TMEM232: variants seen among roughly 807,000 people sequenced by gnomAD.
The protein encoded by TMEM232 is transmembrane protein 232.
Under a neutral mutation model 78.8 loss-of-function variants are expected in TMEM232, and 80 were observed. That is an observed-to-expected ratio of 1.01 (90% confidence interval 0.85 to 1.22). TMEM232 has a LOEUF of 1.22. Ranked by LOEUF, TMEM232 falls within the 50% of genes most tolerant of loss-of-function variation. The pLI is 0.00. For missense variants in TMEM232, 881 were observed against 742.2 expected (o/e 1.19, Z -2.17); for synonymous variants, 297 against 254.3 (o/e 1.17, Z -1.60).
chr5:110,533,676 G>C (rs890045769), intron 11 of TMEM232, among the ~76,000 whole-genome samples: 2 of 152,010 alleles, frequency 1.3e-5, no homozygotes, highest in Non-Finnish European at 2.9e-5. Context: ...TTCCTGGCCC[G>C]GACTTCAATC....
At chr5:110,428,485 C>A (rs1757484224) in intron 12 of TMEM232, among the ~76,000 whole-genome samples, 1 of 151,692 alleles carries the variant, frequency 6.6e-6, no homozygotes. Flanking sequence ...AGGAAGATAG[C>A]CACCATCTGC....
At chr5:110,427,716 G>T (rs1161043090) in intron 12 of TMEM232, among the ~76,000 whole-genome samples, 1 of 151,772 alleles carries the variant, frequency 6.6e-6, no homozygotes, top group Non-Finnish European at 1.5e-5. Context: ...AGTGGCTGTT[G>T]GTTCTTTGGT....
At chr5:110,599,346 A>G (rs990348860) in intron 10 of TMEM232, among the ~76,000 whole-genome samples, 4 of 152,182 alleles carry the variant, frequency 2.6e-5, no homozygotes, top group Non-Finnish European at 4.4e-5. Flanking sequence ...TTAATAGGCT[A>G]AATGTCCCAA....
At chr5:110,498,348 G>C (rs1023944036) in intron 12 of TMEM232, among the ~76,000 whole-genome samples, 1 of 152,052 alleles carries the variant, frequency 6.6e-6, no homozygotes, top group Non-Finnish European at 1.5e-5. Flanking sequence ...ACTGAACAGA[G>C]GCTGTGCATA....
intron 8 of TMEM232, among the ~76,000 whole-genome samples, chr5:110,611,090 A>C (rs541720951): frequency 6.6e-6 from 1 of 152,274 alleles, no homozygotes; most frequent in Admixed American, 6.5e-5. Context: ...TTAAATGCAG[A>C]TATATAAATA....
At chr5:110,401,776 T>C (rs1446433639) in intron 2 of TMEM232, among the ~76,000 whole-genome samples, 1 of 152,098 alleles carries the variant, frequency 6.6e-6, no homozygotes, top group African/African-American at 2.4e-5. Flanking sequence ...AAATAGATTA[T>C]TATACATTTA....
chr5:110,544,696 TA>T (rs767984387), intron 11 of TMEM232, among the ~76,000 whole-genome samples: 17 of 152,104 alleles, frequency 1.1e-4, no homozygotes, highest in Admixed American at 2.6e-4. Context: ...TTTTTGAAAA[TA>T]TTTTTTTTCT....
At chr5:110,399,114 T>A (rs1261963384) in intron 2 of TMEM232, among the ~76,000 whole-genome samples, 2 of 151,816 alleles carry the variant, frequency 1.3e-5, no homozygotes, top group African/African-American at 2.4e-5. Context: ...GAACCCTGAA[T>A]GACACACCAT....
At chr5:110,644,297 C>T (rs1165178498) in intron 2 of TMEM232, among the ~76,000 whole-genome samples, 1 of 151,864 alleles carries the variant, frequency 6.6e-6, no homozygotes, top group Non-Finnish European at 1.5e-5. Context: ...TCCAAAATAA[C>T]TTTAATCTTC....
chr5:110,505,125 T>C (rs1432675482), intron 12 of TMEM232, among the ~76,000 whole-genome samples: 1 of 152,216 alleles, frequency 6.6e-6, no homozygotes, highest in Non-Finnish European at 1.5e-5. Context: ...TGAGTTCTTA[T>C]ACTAACTCTG....
At chr5:110,442,216 T>C (rs1211161333) in intron 12 of TMEM232, among the ~76,000 whole-genome samples, 1 of 152,082 alleles carries the variant, frequency 6.6e-6, no homozygotes, top group Non-Finnish European at 1.5e-5. Context: ...TACCCCTATC[T>C]CTTTTTCTAC....
chr5:110,467,851 T>C (rs999954356), intron 12 of TMEM232, among the ~76,000 whole-genome samples: 1 of 152,120 alleles, frequency 6.6e-6, no homozygotes, highest in Non-Finnish European at 1.5e-5. Flanking sequence ...CCCAAGGTTC[T>C]TCTATCCAAG....
At chr5:110,592,027 T>A (rs1470316511) in intron 10 of TMEM232, among the ~76,000 whole-genome samples, 1 of 152,142 alleles carries the variant, frequency 6.6e-6, no homozygotes, top group African/African-American at 2.4e-5. Context: ...GAAAAAATCA[T>A]TTTCTCTATG....
At chr5:110,427,422 A>T (rs1757360497) in intron 12 of TMEM232, among the ~76,000 whole-genome samples, 2 of 152,002 alleles carry the variant, frequency 1.3e-5, no homozygotes, top group African/African-American at 4.8e-5. Context: ...ATCAATTGTA[A>T]GAAAAAGGAA....
intron 11 of TMEM232, among the ~76,000 whole-genome samples, chr5:110,540,668 A>G (rs748148832): frequency 1.3e-5 from 2 of 152,222 alleles, no homozygotes; most frequent in Non-Finnish European, 2.9e-5. Context: ...ACAACAGTAA[A>G]TCGTAGTACA....
chr5:110,728,637 T>C (rs1201444335), upstream of TMEM232, among the ~76,000 whole-genome samples: 1 of 151,352 alleles, frequency 6.6e-6, no homozygotes, highest in Non-Finnish European at 1.5e-5. Flanking sequence ...ATACCTCCCC[T>C]TTCTCCCTTT....
At chr5:110,678,347 G>A (rs1207403173) in intron 1 of TMEM232, among the ~76,000 whole-genome samples, 1 of 152,134 alleles carries the variant, frequency 6.6e-6, no homozygotes, top group Non-Finnish European at 1.5e-5. Flanking sequence ...TTACAGGTGT[G>A]AGCCACCATG....
At chr5:110,723,039 T>C (rs1323064751) in intron 1 of TMEM232, among the ~76,000 whole-genome samples, 1 of 152,196 alleles carries the variant, frequency 6.6e-6, no homozygotes, top group East Asian at 1.9e-4. Flanking sequence ...AGTTAGGAAG[T>C]ATTTCCTCTG....
At chr5:110,610,550 C>G (rs983943276) in intron 8 of TMEM232, 1 of 456,184 alleles carries the variant, frequency 2.2e-6, no homozygotes, top group East Asian at 7.0e-5. Flanking sequence ...CAGAGCTTCT[C>G]AAAGTGAAGT....
Sources: gnomAD v4.1 joint callset for allele counts (sites outside exome capture counted in the v4.1 genomes callset) on GRCh38, gnomAD v4.1.1 for gene constraint, MANE v1.5 for transcripts, NCBI Gene and HGNC (gene_info 2026-07-23, HGNC 2026-07-21) for gene names.